Variants in CLPSL1 observed in about 807,000 individuals in gnomAD.
CLPSL1 encodes colipase like 1.
A neutral mutation model predicts 9.3 loss-of-function variants in CLPSL1; 13 were observed. The ratio of observed to expected loss-of-function variants is 1.40; its 90% confidence interval spans 0.91 to 2.22. The LOEUF is 2.22. Ranked by LOEUF, CLPSL1 falls within the 30% of genes most tolerant of loss-of-function variation. The probability of loss-of-function intolerance (pLI) is 0.00; values close to 1 mark genes in which losing one functional copy is unlikely to be tolerated. For missense variants in CLPSL1, 164 were observed against 146.6 expected (o/e 1.12, Z -0.61); for synonymous variants, 58 against 56.9 (o/e 1.02, Z -0.08).
chr6:35,788,109 G>A lies in CLPSL1; in HGVS notation c.*99G>A. The A allele has an allele frequency of 1.0e-6, 1 of 958,502 alleles. No homozygotes were observed. Among genetic ancestry groups the A allele is most frequent in the Non-Finnish European group, 1.6e-6 (1 of 613,618 alleles). The allele number at this position is 958,502 out of a possible 1,614,324, so 59.4% of individuals were successfully genotyped here. A position where few individuals can be genotyped will look rare whatever the true frequency, so the allele number is the denominator to read the frequency against. On this transcript the variant is annotated 3_prime_UTR_variant, in exon 3 of 3. Transcript: ENST00000373861. ...TTCCCCAGAGCCTCCACCATGAGTG[G>A]AGGGAAGTGGGGAGTGATTGAAATA... is the stretch of plus-strand genomic sequence containing the variant.
chr6:35,792,634 A>G (rs1453761569), downstream of CLPSL1, among the ~76,000 whole-genome samples: 2 of 152,282 alleles, frequency 1.3e-5, no homozygotes, highest in African/African-American at 4.8e-5. Flanking sequence ...TGGAAGCTAC[A>G]TAATGGTTGG....
downstream of CLPSL1, among the ~76,000 whole-genome samples, chr6:35,791,045 A>AG (rs1319582124): frequency 1.3e-5 from 1 of 78,080 alleles, no homozygotes; most frequent in African/African-American, 6.1e-5. Flanking sequence ...ACTCTGTCTC[A>AG]AAAAAAAAAA....
downstream of CLPSL1, among the ~76,000 whole-genome samples, chr6:35,791,368 TG>T (rs1236073961): frequency 2.0e-5 from 3 of 152,230 alleles, no homozygotes; most frequent in Non-Finnish European, 4.4e-5. Context: ...CCTAGCACTT[TG>T]GGAGGCTGAG....
intron 1 of CLPSL1, among the ~76,000 whole-genome samples, chr6:35,782,602 T>C (rs958950018): frequency 6.6e-6 from 1 of 152,010 alleles, no homozygotes; most frequent in Non-Finnish European, 1.5e-5. Context: ...GGGCAAAGAG[T>C]GCAGGACAGG....
downstream of CLPSL1, among the ~76,000 whole-genome samples, chr6:35,789,104 TAA>T (rs1424386540): frequency 6.6e-6 from 1 of 152,276 alleles, no homozygotes; most frequent in African/African-American, 2.4e-5. Flanking sequence ...ATCAGACAGA[TAA>T]CCAGACTTCC....
downstream of CLPSL1, among the ~76,000 whole-genome samples, chr6:35,789,611 G>A (rs906244961): frequency 3.3e-5 from 5 of 152,268 alleles, no homozygotes; most frequent in Non-Finnish European, 5.9e-5. Context: ...GAAAAGCTCT[G>A]GACCGAGCAC....
chr6:35,793,839 C>G (rs1424592309), downstream of CLPSL1, among the ~76,000 whole-genome samples: 3 of 152,274 alleles, frequency 2.0e-5, no homozygotes, highest in African/African-American at 7.2e-5. Context: ...AATCTCCTCT[C>G]TAGCATCTCC....
downstream of CLPSL1, among the ~76,000 whole-genome samples, chr6:35,789,983 G>A (rs1231577405): frequency 1.3e-5 from 2 of 152,228 alleles, no homozygotes; most frequent in Admixed American, 1.3e-4. Context: ...CTAGAGTGCA[G>A]TGGCTCCATC....
At chr6:35,787,691 G>C (rs1768109827) in intron 2 of CLPSL1, among the ~76,000 whole-genome samples, 176 bp from the exon 3 acceptor site, 1 of 152,262 alleles carries the variant, frequency 6.6e-6, no homozygotes, top group African/African-American at 2.4e-5. Flanking sequence ...AACAATCCAG[G>C]AGCCAGCCTG....
In CLPSL1 at chr6:35,787,138, G is replaced by T. The variant is rs2766589; in HGVS notation, c.222+18G>T. The T allele has an allele frequency of 1.9e-6, 3 of 1,610,096 alleles. No homozygotes were observed. Among genetic ancestry groups the T allele is most frequent in the East Asian group, 2.2e-5 (1 of 44,754 alleles). Reference sequence around the variant, plus strand: ...AAACGCAGGTGGGTATCGCCGCCCGGGGGGAGCCAGAGGGGATCCAGGGGA... The same window carrying T: ...AAACGCAGGTGGGTATCGCCGCCCGTGGGGAGCCAGAGGGGATCCAGGGGA... On this transcript the variant is annotated intron_variant, in intron 2 of 2. Coordinates refer to ENST00000373861, the MANE Select transcript of CLPSL1 (RefSeq NM_001010886.5).
chr6:35,781,584 A>C (rs1767968249), intron 1 of CLPSL1, among the ~76,000 whole-genome samples: 1 of 152,112 alleles, frequency 6.6e-6, no homozygotes, highest in Non-Finnish European at 1.5e-5. Context: ...GCCCTTGTAG[A>C]GCTGTCACTC....
chr6:35,787,148 G>T (rs760397673), intron 2 of CLPSL1, 28 bp downstream of exon 2: 1 of 1,609,158 alleles, frequency 6.2e-7, no homozygotes, highest in East Asian at 2.2e-5. Flanking sequence ...GGGGGAGCCA[G>T]AGGGGATCCA....
At chr6:35,785,946 C>CAAA (rs35079833) in intron 1 of CLPSL1, among the ~76,000 whole-genome samples, 1,728 of 110,714 alleles carry the variant, frequency 0.016, 26 homozygotes, top group South Asian at 0.042. Context: ...GAGACTTTGT[C>CAAA]AAAAAAAAAA....
At chr6:35,784,047 G>A (rs1768021933) in intron 1 of CLPSL1, among the ~76,000 whole-genome samples, 1 of 151,908 alleles carries the variant, frequency 6.6e-6, no homozygotes, top group Non-Finnish European at 1.5e-5. Context: ...GGTGCACCTT[G>A]CTTTTTTTTT....
exon 2 of CLPSL1, chr6:35,793,498 C>T (rs769823442): frequency 4.2e-6 from 2 of 471,530 alleles, no homozygotes; most frequent in South Asian, 1.5e-5. Flanking sequence ...CTGCCAGCTA[C>T]TCCATGCTTC....
In CLPSL1 at chr6:35,788,063, C is replaced by T. The variant is rs1245350684; in HGVS notation, c.*53C>T. On this transcript the variant is annotated 3_prime_UTR_variant, in exon 3 of 3. Coordinates refer to ENST00000373861, the MANE Select transcript of CLPSL1 (RefSeq NM_001010886.5). ...TCCTCCACCTGCTCTCCTCCCTACC[C>T]AGAGCTCTGTGTTCACCCTGTTCCC... is the stretch of plus-strand genomic sequence containing the variant. 30 of 1,405,146 alleles carry T rather than the reference C, an allele frequency of 2.1e-5. No homozygotes were observed. The highest frequency in any genetic ancestry group is 2.8e-5 in the Non-Finnish European group (28 of 993,222). 87.0% of individuals were successfully genotyped at this position (1,405,146 alleles called of 1,614,324 possible).
rs1206165550 is a variant in CLPSL1 at position 35,787,969 on chromosome 6, A to C, written c.325A>C (p.Lys109Gln). ...WLSIAYGRCQ[K>Q]IGRQKLAKKM... ...TAGCATCGCCTATGGCCGTTGTCAG[A>C]AAATTGGAAGGCAGAAGTTGGCTAA... Residue 109 changes from lysine to glutamine, a missense_variant, in exon 3 of 3, where the codon AAA (lysine) becomes CAA (glutamine). Transcript: ENST00000373861. 1 of 1,613,870 alleles carries C rather than the reference A, an allele frequency of 6.2e-7. No individual in the cohort carries two copies. The highest frequency in any genetic ancestry group is 2.2e-5 in the East Asian group (1 of 44,876).
At position 35,788,074 on chromosome 6, in the gene CLPSL1, G is replaced by T; in HGVS notation, c.*64G>T. 7.8e-7 allele frequency: 1 copy of T among 1,283,382 alleles called. No individual in the cohort carries two copies. Among genetic ancestry groups the T allele is most frequent in the African/African-American group, 1.5e-5 (1 of 68,078 alleles). The allele number at this position is 1,283,382 out of a possible 1,614,324, so 79.5% of individuals were successfully genotyped here. A position where few individuals can be genotyped will look rare whatever the true frequency, so the allele number is the denominator to read the frequency against. On this transcript the variant is annotated 3_prime_UTR_variant, in exon 3 of 3. Coordinates refer to ENST00000373861, the MANE Select transcript of CLPSL1 (RefSeq NM_001010886.5). ...CTCTCCTCCCTACCCAGAGCTCTGTGTTCACCCTGTTCCCCAGAGCCTCCA... is the reference window on the plus strand; with the variant it reads ...CTCTCCTCCCTACCCAGAGCTCTGTTTTCACCCTGTTCCCCAGAGCCTCCA...
At chr6:35,784,325 A>G (rs1487136845) in intron 1 of CLPSL1, among the ~76,000 whole-genome samples, 1 of 152,186 alleles carries the variant, frequency 6.6e-6, no homozygotes, top group Non-Finnish European at 1.5e-5. Flanking sequence ...TGAAGCCTCC[A>G]GTAATAGGCT....
Sources: allele counts gnomAD v4.1 joint callset (sites outside exome capture counted in the v4.1 genomes callset), GRCh38; gene constraint gnomAD v4.1.1; transcripts MANE v1.5; gene names NCBI Gene and HGNC (gene_info 2026-07-23, HGNC 2026-07-21).